NELL1: variants seen among roughly 807,000 people sequenced by gnomAD.
NELL1 encodes protein kinase C-binding protein NELL1.
In NELL1, 76 loss-of-function variants were observed where a neutral mutation model predicts 107.4. The ratio of observed to expected loss-of-function variants is 0.71; its 90% CI spans 0.59 to 0.86. NELL1 has a LOEUF of 0.86. Ranked by LOEUF, NELL1 falls within the 40% of genes least tolerant of loss-of-function variation. The pLI is 0.00. For synonymous variants in NELL1, 353 were observed against 341.2 expected, an observed-to-expected ratio of 1.03 and a Z score of -0.38; for missense variants, 1,024 against 1,005.5, an observed-to-expected ratio of 1.02 and a Z score of -0.25.
intron 5 of NELL1, among the ~76,000 whole-genome samples, chr11:20,895,550 G>T (rs190436596): frequency 4.2e-4 from 53 of 127,210 alleles, no homozygotes; most frequent in African/African-American, 1.4e-3. Context: ...CTGTTGCCCA[G>T]GCTGGAGTGC....
chr11:20,967,835 A>G (rs1033750025), intron 12 of NELL1, among the ~76,000 whole-genome samples: 1 of 152,148 alleles, frequency 6.6e-6, no homozygotes, highest in Non-Finnish European at 1.5e-5. Context: ...TGCCTCTTAG[A>G]ATAATACCCA....
chr11:20,857,072 G>C (rs78205970), intron 4 of NELL1, among the ~76,000 whole-genome samples: 2,741 of 152,264 alleles, frequency 0.018, 69 homozygotes, highest in African/African-American at 0.063. Context: ...ATTATTGTTT[G>C]TAAAAGGTAT....
At chr11:21,086,230 G>A (rs1014321061) in intron 12 of NELL1, among the ~76,000 whole-genome samples, 2 of 152,068 alleles carry the variant, frequency 1.3e-5, no homozygotes, top group Non-Finnish European at 2.9e-5. Flanking sequence ...AAGGAAAATG[G>A]CAAATGATTT....
chr11:21,550,175 T>G (rs1219257383), intron 16 of NELL1, among the ~76,000 whole-genome samples: 1 of 151,958 alleles, frequency 6.6e-6, no homozygotes, highest in Non-Finnish European at 1.5e-5. Flanking sequence ...CCCATCCTAG[T>G]GATGTGACCT....
intron 15 of NELL1, among the ~76,000 whole-genome samples, chr11:21,521,695 T>C (rs1855729890): frequency 6.6e-6 from 1 of 152,222 alleles, no homozygotes. Context: ...GTGTTTTTCA[T>C]AGAGGCTGTT....
intron 13 of NELL1, among the ~76,000 whole-genome samples, chr11:21,125,686 G>A (rs1221127838): frequency 6.6e-6 from 1 of 152,216 alleles, no homozygotes; most frequent in East Asian, 1.9e-4. Context: ...GAGAGGAAAT[G>A]TTTTCTATCC....
At chr11:20,876,498 G>T (rs187142669) in intron 4 of NELL1, among the ~76,000 whole-genome samples, 274 of 152,306 alleles carry the variant, frequency 1.8e-3, no homozygotes, top group African/African-American at 6.2e-3. Context: ...GGGCACGGTG[G>T]CTCATGCCTG....
intron 4 of NELL1, among the ~76,000 whole-genome samples, chr11:20,863,102 G>A (rs1393625376): frequency 1.3e-5 from 2 of 152,262 alleles, no homozygotes; most frequent in Admixed American, 6.5e-5. Flanking sequence ...CCCGTTCTCA[G>A]TGAGCTGTTG....
intron 12 of NELL1, among the ~76,000 whole-genome samples, chr11:21,006,964 T>C (rs932395886): frequency 6.6e-6 from 1 of 152,144 alleles, no homozygotes; most frequent in Admixed American, 6.6e-5. Context: ...TAACTTTGTA[T>C]GGATATCTAC....
rs544111435 is a variant in NELL1 at position 21,337,499 on chromosome 11, A to G, written c.1550-33354A>G. Among the ~76,000 whole-genome samples the G allele has an allele frequency of 3.3e-5, 5 of 152,366 alleles. No homozygotes were observed. The East Asian group carries it at 9.6e-4, about 29-fold the overall frequency. ...TCTTCCAAGATCACTGCAACAACAG[A>G]AAAGAAGGCTAGACAGCATACAGGA... is the stretch of plus-strand genomic sequence containing the variant. On this transcript the variant is annotated intron_variant, in intron 14 of 19. Coordinates refer to ENST00000357134, the MANE Select transcript of NELL1 (RefSeq NM_006157.5).
chr11:21,267,032 T>C (rs1848649320), intron 14 of NELL1, among the ~76,000 whole-genome samples: 1 of 152,170 alleles, frequency 6.6e-6, no homozygotes, highest in East Asian at 1.9e-4. Flanking sequence ...CATTAAGAGT[T>C]ATAACAATTT....
At chr11:20,708,310 C>T (rs180743917) in intron 2 of NELL1, among the ~76,000 whole-genome samples, 113 of 152,292 alleles carry the variant, frequency 7.4e-4, no homozygotes, top group African/African-American at 2.5e-3. Context: ...GGCGATGCCC[C>T]GCCCTGCTTC....
At chr11:21,467,044 C>T (rs1424972551) in intron 15 of NELL1, among the ~76,000 whole-genome samples, 1 of 151,988 alleles carries the variant, frequency 6.6e-6, no homozygotes. Flanking sequence ...TCCAGACATG[C>T]AACAACTGGG....
chr11:20,679,685 T>C (rs1854144561), intron 2 of NELL1, among the ~76,000 whole-genome samples: 1 of 152,146 alleles, frequency 6.6e-6, no homozygotes, highest in Non-Finnish European at 1.5e-5. Context: ...TAATCCATCA[T>C]AGCAACAACT....
chr11:21,195,397 C>T (rs1857130785), intron 13 of NELL1, among the ~76,000 whole-genome samples: 2 of 152,004 alleles, frequency 1.3e-5, no homozygotes, highest in South Asian at 4.2e-4. Context: ...ATCTGACTTT[C>T]AAGATAAACC....
At chr11:20,996,811 T>G (rs1246419336) in intron 12 of NELL1, among the ~76,000 whole-genome samples, 1 of 152,158 alleles carries the variant, frequency 6.6e-6, no homozygotes, top group Non-Finnish European at 1.5e-5. Context: ...GGTTTTTATC[T>G]TCCCGATTTA....
chr11:21,341,853 A>AT (rs762556280), intron 14 of NELL1, among the ~76,000 whole-genome samples: 21 of 152,096 alleles, frequency 1.4e-4, no homozygotes, highest in South Asian at 6.2e-4. Context: ...GTAATAATAC[A>AT]TTTTTTTTGG....
At chr11:20,740,983 C>CT (rs898836643) in intron 2 of NELL1, among the ~76,000 whole-genome samples, 3 of 152,030 alleles carry the variant, frequency 2.0e-5, no homozygotes, top group African/African-American at 7.2e-5. Context: ...GCAGATTTAA[C>CT]TTTTTTAAAA....
At chr11:21,448,616 A>G (rs577467336) in intron 15 of NELL1, among the ~76,000 whole-genome samples, 1 of 152,354 alleles carries the variant, frequency 6.6e-6, no homozygotes, top group South Asian at 2.1e-4. Context: ...TTACAATTTG[A>G]TAAGTTTTTA....
Sources: gnomAD v4.1 joint callset for allele counts (sites outside exome capture counted in the v4.1 genomes callset) on GRCh38, gnomAD v4.1.1 for gene constraint, MANE v1.5 for transcripts, NCBI Gene and HGNC (gene_info 2026-07-23, HGNC 2026-07-21) for gene names.